LRRC4C: variants seen among roughly 807,000 people sequenced by gnomAD.
LRRC4C encodes leucine rich repeat containing 4C, also known as leucine-rich repeat-containing protein 4C.
In LRRC4C, 5 loss-of-function variants were observed where a neutral mutation model predicts 33.6. The observed-to-expected ratio is 0.15, with a 90% confidence interval of 0.08 to 0.31. The LOEUF (loss-of-function observed/expected upper bound fraction) is 0.31, where lower values mean the gene tolerates loss of function less well. Among genes scored for constraint, LRRC4C ranks in the 10% least tolerant of loss-of-function variants. The probability of loss-of-function intolerance (pLI) is 1.00; values close to 1 mark genes in which losing one functional copy is unlikely to be tolerated. For synonymous variants in LRRC4C, 329 were observed against 302.0 expected (o/e 1.09, Z -0.93); for missense variants, 560 against 796.7 (o/e 0.70, Z 3.58).
intron 3 of LRRC4C, among the ~76,000 whole-genome samples, chr11:40,601,108 T>G (rs571922246): frequency 2.9e-4 from 44 of 152,326 alleles, no homozygotes; most frequent in Middle Eastern, 6.8e-3. Flanking sequence ...TTTCTTGGCA[T>G]TAACATTCTT....
chr11:40,769,781 G>A (rs769933435), intron 2 of LRRC4C, among the ~76,000 whole-genome samples: 1 of 152,118 alleles, frequency 6.6e-6, no homozygotes, highest in African/African-American at 2.4e-5. Flanking sequence ...TCCATATGCA[G>A]TAGAACAAAA....
chr11:41,148,496 G>A lies in LRRC4C; in HGVS notation c.-495-214773C>T, dbSNP rs191314836. Among the ~76,000 whole-genome samples, 4 of 152,246 alleles carry A rather than the reference G, an allele frequency of 2.6e-5. No individual in the cohort carries two copies. The East Asian group carries it at 7.8e-4, about 30-fold the overall frequency. On this transcript the variant is annotated intron_variant, in intron 1 of 6. Transcript: ENST00000528697. ...AACTTGATTTTGAGGGGTGGAGGGT[G>A]AGGTATGGAGTTAATCTTCAATAGC...
At chr11:40,966,498 C>T (rs1346371381) in intron 1 of LRRC4C, among the ~76,000 whole-genome samples, 1 of 151,920 alleles carries the variant, frequency 6.6e-6, no homozygotes, top group Non-Finnish European at 1.5e-5. Context: ...CTAAGCTCCT[C>T]ACAAATTGCA....
At chr11:40,322,459 T>G (rs557823327) in intron 3 of LRRC4C, among the ~76,000 whole-genome samples, 1 of 152,268 alleles carries the variant, frequency 6.6e-6, no homozygotes, top group South Asian at 2.1e-4. Context: ...TTGGCCAGGC[T>G]GGTCTCAAAC....
intron 2 of LRRC4C, among the ~76,000 whole-genome samples, chr11:40,686,010 AT>A (rs537250115): frequency 3.5e-4 from 53 of 152,132 alleles, no homozygotes; most frequent in African/African-American, 1.3e-3. Context: ...TGTGAAGAAG[AT>A]ATCCCAAGAT....
chr11:40,683,254 A>C (rs1375418461), intron 2 of LRRC4C, among the ~76,000 whole-genome samples: 1 of 152,182 alleles, frequency 6.6e-6, no homozygotes, highest in Non-Finnish European at 1.5e-5. Context: ...TATGCTCGGC[A>C]TCCCTTTAGC....
At chr11:40,251,209 C>T (rs1866762958) in intron 4 of LRRC4C, among the ~76,000 whole-genome samples, 1 of 152,104 alleles carries the variant, frequency 6.6e-6, no homozygotes, top group Admixed American at 6.5e-5. Context: ...TTGGTTGCCT[C>T]TTTTTAATTT....
At chr11:40,589,893 C>T (rs1319530422) in intron 3 of LRRC4C, among the ~76,000 whole-genome samples, 88 of 150,012 alleles carry the variant, frequency 5.9e-4, no homozygotes, top group African/African-American at 2.1e-3. Context: ...CGACCTTTCT[C>T]TCTGGCTGCC....
At chr11:41,080,272 C>T (rs1939467023) in intron 1 of LRRC4C, among the ~76,000 whole-genome samples, 2 of 150,608 alleles carry the variant, frequency 1.3e-5, no homozygotes, top group East Asian at 2.0e-4. Context: ...AGTGTTTGCA[C>T]TAATTACAAT....
intron 6 of LRRC4C, among the ~76,000 whole-genome samples, chr11:40,137,873 A>C (rs1194369702): frequency 6.6e-6 from 1 of 152,198 alleles, no homozygotes; most frequent in African/African-American, 2.4e-5. Flanking sequence ...GGGATCAATA[A>C]TTTTTAAACT....
chr11:40,807,138 C>G (rs977457384), intron 2 of LRRC4C, among the ~76,000 whole-genome samples: 5 of 152,184 alleles, frequency 3.3e-5, no homozygotes, highest in African/African-American at 1.2e-4. Context: ...ACTCCAACTT[C>G]AGTCAACTTT....
chr11:41,064,002 G>T (rs991193028), intron 1 of LRRC4C, among the ~76,000 whole-genome samples: 1 of 152,154 alleles, frequency 6.6e-6, no homozygotes, highest in Non-Finnish European at 1.5e-5. Context: ...GGACAGCAAA[G>T]ATGACAAGAT....
intron 3 of LRRC4C, among the ~76,000 whole-genome samples, chr11:40,525,763 A>G (rs529734705): frequency 2.7e-4 from 41 of 152,064 alleles, no homozygotes; most frequent in Non-Finnish European, 5.1e-4. Context: ...TTAAAAGGCC[A>G]ATGAAAATGC....
chr11:40,154,124 ATCTTCACCCT>A (rs1332128871), intron 5 of LRRC4C, among the ~76,000 whole-genome samples: 1 of 152,170 alleles, frequency 6.6e-6, no homozygotes, highest in Admixed American at 6.5e-5. Flanking sequence ...TTGGGGCCCT[ATCTTCACCCT>A]TCTCAAACAA....
intron 1 of LRRC4C, among the ~76,000 whole-genome samples, chr11:41,315,572 C>T (rs1276070750): frequency 6.6e-6 from 1 of 152,118 alleles, no homozygotes; most frequent in African/African-American, 2.4e-5. Context: ...GTTCTCCAAC[C>T]CCAGTCAAAT....
At chr11:40,955,146 C>A in intron 1 of LRRC4C, among the ~76,000 whole-genome samples, 1 of 151,842 alleles carries the variant, frequency 6.6e-6, no homozygotes. Flanking sequence ...ATATATGCTA[C>A]GTCTATATTA....
chr11:40,231,702 A>T (rs371815444), intron 5 of LRRC4C, among the ~76,000 whole-genome samples: 2 of 152,242 alleles, frequency 1.3e-5, no homozygotes, highest in South Asian at 4.1e-4. Context: ...ACATTCAGTT[A>T]TCTAAATATT....
chr11:40,350,312 A>T (rs1947326394), intron 3 of LRRC4C, among the ~76,000 whole-genome samples: 1 of 151,912 alleles, frequency 6.6e-6, no homozygotes, highest in Non-Finnish European at 1.5e-5. Flanking sequence ...CTGCATATGG[A>T]TATTCCATTT....
Position 40,730,114 on chromosome 11 carries a change from G to C in LRRC4C, c.-406-81836C>G, listed in dbSNP as rs919053493. Among the ~76,000 whole-genome samples the C allele has an allele frequency of 3.0e-4, 46 of 152,066 alleles. 1 individual carries two copies. The highest frequency in any genetic ancestry group is 4.8e-5 in the African/African-American group (2 of 41,386). On this transcript the variant is annotated intron_variant, in intron 2 of 6. Transcript: ENST00000528697. ...ACTCTGGGGACTGTTGTGGGGTTGG[G>C]GGGGGCAGGGATAGCATTGGGAGAT...
Sources: allele counts gnomAD v4.1 joint callset (sites outside exome capture counted in the v4.1 genomes callset), GRCh38; gene constraint gnomAD v4.1.1; transcripts MANE v1.5; gene names NCBI Gene and HGNC (gene_info 2026-07-23, HGNC 2026-07-21).